The following RASGRF1 variants were observed in gnomAD, a reference collection of about 807,000 sequenced individuals.
RASGRF1 encodes Ras protein specific guanine nucleotide releasing factor 1, also known as ras-specific guanine nucleotide-releasing factor 1.
A neutral mutation model predicts 138.7 loss-of-function variants in RASGRF1; 40 were observed. The observed-to-expected ratio is 0.29, with a 90% CI of 0.22 to 0.38. The LOEUF (loss-of-function observed/expected upper bound fraction) is 0.38. Among genes scored for constraint, RASGRF1 ranks in the 10% least tolerant of loss-of-function variants. The pLI is 1.00. For missense variants in RASGRF1, 1,108 were observed against 1,650.4 expected (o/e 0.67, Z 5.69); for synonymous variants, 614 against 663.2 (o/e 0.93, Z 1.14).
intron 13 of RASGRF1, 54 bp downstream of exon 13, chr15:79,015,273 T>C (rs544687514): frequency 1.3e-6 from 2 of 1,530,674 alleles, no homozygotes; most frequent in East Asian, 4.5e-5. Flanking sequence ...TGTCACCTTG[T>C]GGTACTCAGT....
chr15:79,053,148 C>G (rs888298106), intron 3 of RASGRF1, among the ~76,000 whole-genome samples: 1 of 152,200 alleles, frequency 6.6e-6, no homozygotes, highest in African/African-American at 2.4e-5. Context: ...ACCTGTAATA[C>G]CAGCTAGTTG....
intron 3 of RASGRF1, 89 bp downstream of exon 3, chr15:79,058,245 G>C: frequency 6.6e-7 from 1 of 1,525,632 alleles, no homozygotes; most frequent in Non-Finnish European, 8.8e-7. Flanking sequence ...TGCTTTCCCT[G>C]CCTGTCATGT....
chr15:79,046,602 A>G lies in RASGRF1; in HGVS notation c.878+144T>C. The G allele has an allele frequency of 7.4e-7, 1 of 1,359,756 alleles. No homozygotes were observed. Among genetic ancestry groups the G allele is most frequent in the Non-Finnish European group, 1.0e-6 (1 of 991,156 alleles). 84.2% of individuals were successfully genotyped at this position (1,359,756 alleles called of 1,614,324 possible). A position where few individuals can be genotyped will look rare whatever the true frequency, so the allele number is the denominator to read the frequency against. On this transcript the variant is annotated intron_variant, in intron 5 of 26. Transcript: ENST00000558480. The surrounding 1 kb of genome is among the most constrained non-coding windows in gnomAD (Gnocchi z 5.3). Reference sequence around the variant, plus strand: ...ACAATTATTGGGGTTGGTGGTTTCTAGCCACGTGATCTTGGGCACTTCTGT... The same window carrying G: ...ACAATTATTGGGGTTGGTGGTTTCTGGCCACGTGATCTTGGGCACTTCTGT...
rs994939396 is a variant in RASGRF1 at position 78,979,151 on chromosome 15, C to A, written c.3494+1469G>T. 1.0e-5 allele frequency: 13 copies of A among 1,289,210 alleles called. No individual in the cohort carries two copies. The Admixed American group carries it at 2.1e-4, about 21-fold the overall frequency. 79.9% of individuals were successfully genotyped at this position (1,289,210 alleles called of 1,614,324 possible). A position where few individuals can be genotyped will look rare whatever the true frequency, so the allele number is the denominator to read the frequency against. On this transcript the variant is annotated intron_variant, in intron 24 of 26. Transcript: ENST00000558480. Reference sequence around the variant, plus strand: ...CACAAGCACAGTCCACAGGGGCTCTCGGGAGCCCAGGCAGAAGAGAGACGG... The same window carrying A: ...CACAAGCACAGTCCACAGGGGCTCTAGGGAGCCCAGGCAGAAGAGAGACGG...
chr15:79,063,898 C>T (rs1193424006), intron 2 of RASGRF1, among the ~76,000 whole-genome samples: 1 of 152,128 alleles, frequency 6.6e-6, no homozygotes, highest in African/African-American at 2.4e-5. Flanking sequence ...TTTGGCTTTC[C>T]CCTCTCCTGG....
rs1218769012 is a variant in RASGRF1 at position 79,053,173 on chromosome 15, G to A, written c.532-3585C>T. On this transcript the variant is annotated intron_variant, in intron 3 of 26. Coordinates refer to ENST00000558480, the MANE Select transcript of RASGRF1 (RefSeq NM_001145648.3). Reference sequence around the variant, plus strand: ...CCAGCTAGTTGGGAGGCTGAGGCAGGAGAATTGCTTGAACCTGGGAGGCAG... The same window carrying A: ...CCAGCTAGTTGGGAGGCTGAGGCAGAAGAATTGCTTGAACCTGGGAGGCAG... 3.9e-5 allele frequency among the ~76,000 whole-genome samples: 6 copies of A among 152,242 alleles called. No homozygotes were observed. In the South Asian group the frequency reaches 1.0e-3, roughly 26 times the overall value.
intron 21 of RASGRF1, among the ~76,000 whole-genome samples, chr15:78,991,319 C>A (rs1052680541): frequency 6.6e-6 from 1 of 152,188 alleles, no homozygotes; most frequent in Non-Finnish European, 1.5e-5. Flanking sequence ...CACGCCTGTC[C>A]CCTAAATCAG....
intron 2 of RASGRF1, among the ~76,000 whole-genome samples, chr15:79,060,730 C>T (rs1212303569): frequency 6.6e-6 from 1 of 152,200 alleles, no homozygotes; most frequent in Non-Finnish European, 1.5e-5. Context: ...CCCAGACAGG[C>T]TTGGCAACAT....
Position 79,032,433 on chromosome 15 carries a change from C to T in RASGRF1, c.959-117G>A. 2.1e-6 allele frequency: 2 copies of T among 952,376 alleles called. No homozygotes were observed. The highest frequency in any genetic ancestry group is 3.2e-6 in the Non-Finnish European group (2 of 630,702). 59.0% of individuals were successfully genotyped at this position (952,376 alleles called of 1,614,324 possible). ...GGCCAGGGGCCAGGTTCAAGTTCCC[C>T]ACCCCAGAGACATCTCTGCTCTTGG... On this transcript the variant is annotated intron_variant, in intron 6 of 26. Transcript: ENST00000558480. This position sits in a 1 kb window ranked among gnomAD's most constrained non-coding sequence, Gnocchi z 4.5.
intron 2 of RASGRF1, among the ~76,000 whole-genome samples, chr15:79,061,076 T>A (rs947843426): frequency 6.6e-6 from 1 of 152,196 alleles, no homozygotes; most frequent in Non-Finnish European, 1.5e-5. Flanking sequence ...GAGGAGGCCA[T>A]GTGGCAAGGA....
At chr15:79,081,703 C>G (rs2057916260) in intron 1 of RASGRF1, among the ~76,000 whole-genome samples, 1 of 152,186 alleles carries the variant, frequency 6.6e-6, no homozygotes, top group African/African-American at 2.4e-5. Context: ...TGTCTGTTCA[C>G]AGGCTGTCCC....
At chr15:79,024,510 T>C (rs2057017300) in intron 10 of RASGRF1, among the ~76,000 whole-genome samples, 1 of 151,892 alleles carries the variant, frequency 6.6e-6, no homozygotes, top group African/African-American at 2.4e-5. Context: ...CACCCAAATC[T>C]CATCTTGAAT....
At position 79,078,129 on chromosome 15, in the gene RASGRF1, C is replaced by A. The variant is rs546018945; in HGVS notation, c.276+12094G>T. Among the ~76,000 whole-genome samples the A allele has an allele frequency of 3.5e-5, 3 of 86,036 alleles. No individual in the cohort carries two copies. The East Asian group carries it at 1.1e-3, about 31-fold the overall frequency. 56.4% of individuals were successfully genotyped at this position (86,036 alleles called of 152,430 possible). On this transcript the variant is annotated intron_variant, in intron 1 of 26. Transcript: ENST00000558480. ...CAGGGAGTGGCTGTGCTACAGAGAA[C>A]CTGGTGTGTGTGTGTGTGTGTGTGC...
intron 1 of RASGRF1, among the ~76,000 whole-genome samples, chr15:79,085,782 T>C (rs1375774351): frequency 6.6e-6 from 1 of 152,090 alleles, no homozygotes; most frequent in Admixed American, 6.5e-5. Flanking sequence ...CAACTGTGAG[T>C]GTTTTGAAGA....
At chr15:79,048,795 G>T (rs1176949557) in intron 4 of RASGRF1, among the ~76,000 whole-genome samples, 2 of 152,216 alleles carry the variant, frequency 1.3e-5, no homozygotes, top group African/African-American at 4.8e-5. Context: ...GATGGCGTTG[G>T]GGTCCTTTCA....
At chr15:79,041,298 A>C (rs1003846859) in intron 5 of RASGRF1, among the ~76,000 whole-genome samples, 4 of 152,270 alleles carry the variant, frequency 2.6e-5, no homozygotes, top group African/African-American at 9.6e-5. Context: ...CTCTTTACAG[A>C]ATAAAGTCCA....
chr15:79,024,391 CACACATCATAT>C (rs1299471421), intron 10 of RASGRF1, among the ~76,000 whole-genome samples: 10 of 151,704 alleles, frequency 6.6e-5, no homozygotes, highest in Admixed American at 2.6e-4. Flanking sequence ...TACACAAATA[CACACATCATAT>C]ACACAAATAT....
At chr15:79,089,526 G>T (rs962205583) in intron 1 of RASGRF1, among the ~76,000 whole-genome samples, 2 of 152,246 alleles carry the variant, frequency 1.3e-5, no homozygotes, top group South Asian at 2.1e-4. Flanking sequence ...GGAGAGAAGC[G>T]CCCACTTCGT....
At chr15:79,061,886 A>G (rs1247441480) in intron 2 of RASGRF1, among the ~76,000 whole-genome samples, 4 of 152,346 alleles carry the variant, frequency 2.6e-5, no homozygotes, top group African/African-American at 9.6e-5. Flanking sequence ...GAGACTTCTT[A>G]TGGACATCTT....
Sources: gnomAD v4.1 joint callset for allele counts (sites outside exome capture counted in the v4.1 genomes callset) on GRCh38, gnomAD v4.1.1 for gene constraint, Gnocchi (gnomAD v3.1) non-coding constraint, MANE v1.5 for transcripts, NCBI Gene and HGNC (gene_info 2026-07-23, HGNC 2026-07-21) for gene names.